The following SCNN1A variants were observed in gnomAD, a reference collection of about 807,000 sequenced individuals.
SCNN1A encodes the protein sodium channel epithelial 1 subunit alpha.
Under a neutral mutation model 68.6 loss-of-function variants are expected in SCNN1A, and 65 were observed. The observed-to-expected ratio is 0.95, with a 90% confidence interval of 0.78 to 1.16. The LOEUF (loss-of-function observed/expected upper bound fraction) is 1.16, where lower values mean the gene tolerates loss of function less well. SCNN1A is among the 50% of genes most tolerant of loss of function. The probability of loss-of-function intolerance (pLI) is 0.00; values close to 1 mark genes in which losing one functional copy is unlikely to be tolerated. For missense variants in SCNN1A, 880 were observed against 865.9 expected, an observed-to-expected ratio of 1.02 and a Z score of -0.20; for synonymous variants, 357 against 353.3, an observed-to-expected ratio of 1.01 and a Z score of -0.12.
chr12:6,361,315 G>A (rs1948576115), intron 4 of SCNN1A, among the ~76,000 whole-genome samples: 1 of 152,176 alleles, frequency 6.6e-6, no homozygotes, highest in African/African-American at 2.4e-5. Context: ...GGGAACTTAG[G>A]TTTAGTCCCT....
chr12:6,355,450 A>T lies in SCNN1A; in HGVS notation c.980-15T>A, dbSNP rs1592067685. On this transcript the variant is annotated splice_polypyrimidine_tract_variant and intron_variant, in intron 5 of 12. Transcript: ENST00000228916. ...CAGGGACAGACCTAGGGGTGCAGAG[A>T]GAGCAGAGTTGGCAGAGGCGGGAAT... 3.1e-6 allele frequency: 5 copies of T among 1,613,558 alleles called. No individual in the cohort carries two copies. Among genetic ancestry groups the T allele is most frequent in the Non-Finnish European group, 4.2e-6 (5 of 1,179,850 alleles).
Position 6,351,761 on chromosome 12 carries a change from T to G in SCNN1A, c.1361-2356A>C, listed in dbSNP as rs1381590568. Among the ~76,000 whole-genome samples, 1 of 140,964 alleles carries G rather than the reference T, an allele frequency of 7.1e-6. No individual in the cohort carries two copies. The highest frequency in any genetic ancestry group is 6.7e-5 in the Admixed American group (1 of 15,024). 92.5% of individuals were successfully genotyped at this position (140,964 alleles called of 152,430 possible). A position where few individuals can be genotyped will look rare whatever the true frequency, so the allele number is the denominator to read the frequency against. On this transcript the variant is annotated intron_variant, in intron 8 of 12. Coordinates refer to ENST00000228916, the MANE Select transcript of SCNN1A (RefSeq NM_001038.6). The surrounding 1 kb of genome is among the most constrained non-coding windows in gnomAD (Gnocchi z 4.2). ...GGGACTTGCTAATGAGTACAAGGTT[T>G]ATTTATTTATTTATCTGAGACAGGG...
In SCNN1A at chr12:6,374,229, A is replaced by T; in HGVS notation, c.416+139T>A. On this transcript the variant is annotated intron_variant, in intron 2 of 12. Coordinates refer to ENST00000228916, the MANE Select transcript of SCNN1A (RefSeq NM_001038.6). The surrounding 1 kb of genome is among the most constrained non-coding windows in gnomAD (Gnocchi z 6.2). ...TAAGCTGGAGGCTCCTCATTTTGCC[A>T]GCAGTGAGCTCTACCTGGGACAGGG... 2.1e-6 allele frequency: 2 copies of T among 944,680 alleles called. No homozygotes were observed. Among genetic ancestry groups the T allele is most frequent in the Non-Finnish European group, 3.2e-6 (2 of 632,646 alleles). 58.5% of individuals were successfully genotyped at this position (944,680 alleles called of 1,614,324 possible). A position where few individuals can be genotyped will look rare whatever the true frequency, so the allele number is the denominator to read the frequency against.
chr12:6,374,394 C>T lies in SCNN1A; in HGVS notation c.390G>A (p.Val130=). ...TGTAGGGATTGAGGGTGCAGATGGT[C>T]ACTGCGGGGAAGACGAGCTTGTCCG... ...LNSDKLVFPA[V]TICTLNPYRY... Residue 130 remains valine (V), a synonymous_variant, in exon 2 of 13, where the codon GTG becomes GTA. Coordinates refer to ENST00000228916, the MANE Select transcript of SCNN1A (RefSeq NM_001038.6). This position sits in a 1 kb window ranked among gnomAD's most constrained non-coding sequence, Gnocchi z 6.2. 1 of 1,614,194 alleles carries T rather than the reference C, an allele frequency of 6.2e-7. No homozygotes were observed. The highest frequency in any genetic ancestry group is 8.5e-7 in the Non-Finnish European group (1 of 1,180,032).
rs1229867459 is a variant in SCNN1A, at chr12:6,375,559, G to A, written c.-109C>T. 6 of 1,533,864 alleles carry A rather than the reference G, an allele frequency of 3.9e-6. No homozygotes were observed. The highest frequency in any genetic ancestry group is 2.0e-5 in the Admixed American group (1 of 50,924). ...CCCGCCCGCTGGCCGGCCAGGGATGGAAGCGACAGGAATCTCATTAGCATC... is the reference window on the plus strand; with the variant it reads ...CCCGCCCGCTGGCCGGCCAGGGATGAAAGCGACAGGAATCTCATTAGCATC... On this transcript the variant is annotated 5_prime_UTR_variant, in exon 1 of 13. Transcript: ENST00000228916.
intron 6 of SCNN1A, 33 bp downstream of exon 6, chr12:6,355,239 G>C: frequency 6.2e-7 from 1 of 1,603,028 alleles, no homozygotes; most frequent in Non-Finnish European, 8.5e-7. Flanking sequence ...AATCTGAGGC[G>C]CTCCTTCCAG....
chr12:6,367,481 A>G (rs562634542), intron 2 of SCNN1A, among the ~76,000 whole-genome samples: 1 of 152,364 alleles, frequency 6.6e-6, no homozygotes, highest in South Asian at 2.1e-4. Flanking sequence ...AAACACAGGG[A>G]AGAATTCCAG....
chr12:6,374,287 G>C lies in SCNN1A; in HGVS notation c.416+81C>G. On this transcript the variant is annotated intron_variant, in intron 2 of 12. Transcript: ENST00000228916. This position sits in a 1 kb window ranked among gnomAD's most constrained non-coding sequence, Gnocchi z 6.2. The stretch of plus-strand genomic sequence containing the variant: ...TTCCCACCCTCAGGTCTGAGGCTCT[G>C]CCTGCCCAGTGAGCACCTCAGCACC... 1 of 1,460,586 alleles carries C rather than the reference G, an allele frequency of 6.8e-7. No homozygotes were observed. The highest frequency in any genetic ancestry group is 9.4e-7 in the Non-Finnish European group (1 of 1,064,378). 90.5% of individuals were successfully genotyped at this position (1,460,586 alleles called of 1,614,324 possible).
intron 8 of SCNN1A, among the ~76,000 whole-genome samples, 179 bp from the exon 9 acceptor site, chr12:6,349,584 C>CAGTG (rs1948336464): frequency 6.6e-6 from 1 of 152,042 alleles, no homozygotes; most frequent in Non-Finnish European, 1.5e-5. Flanking sequence ...AAGCCAGGGA[C>CAGTG]AGTGGCTCAG....
In SCNN1A at chr12:6,363,513, C is replaced by G. The variant is rs147866964; in HGVS notation, c.614G>C (p.Ser205Thr). The change falls in exon 3 of 13, where the codon AGC becomes ACC. Residue 205 changes from serine (S) to threonine (T), a missense_variant. Physicochemically the swap from Ser to Thr is moderately conservative, Grantham distance 58 (BLOSUM62 1). Transcript: ENST00000228916. ...GTTGTCCCGCAAGCTGGAGGCCACG[C>G]TACGGGCTCGACGGGCCCCGTGAGG... ...PPPHGARRAR[S>T]VASSLRDNNP... The G allele has an allele frequency of 1.9e-6, 3 of 1,609,048 alleles. No homozygotes were observed. Among genetic ancestry groups the G allele is most frequent in the African/African-American group, 2.7e-5 (2 of 74,638 alleles).
intron 2 of SCNN1A, among the ~76,000 whole-genome samples, chr12:6,367,602 G>A (rs1473905412): frequency 6.6e-6 from 1 of 152,164 alleles, no homozygotes; most frequent in African/African-American, 2.4e-5. Flanking sequence ...ATAGCATTCA[G>A]AAAATGACAG....
At chr12:6,365,986 C>G (rs1328089084) in intron 2 of SCNN1A, among the ~76,000 whole-genome samples, 1 of 143,762 alleles carries the variant, frequency 7.0e-6, no homozygotes, top group African/African-American at 2.4e-5. Flanking sequence ...TCCCTAGTAG[C>G]TGGGACTACA....
Position 6,347,904 on chromosome 12 carries a change from C to T in SCNN1A, c.1979G>A (p.Ser660Asn), listed in dbSNP as rs1257362571. 11 of 1,597,950 alleles carry T rather than the reference C, an allele frequency of 6.9e-6. No homozygotes were observed. Among genetic ancestry groups the T allele is most frequent in the Non-Finnish European group, 9.4e-6 (11 of 1,172,288 alleles). Residue 660 changes from serine (S) to asparagine (N), a missense_variant, in exon 13 of 13, where the codon AGT becomes AAT. Physicochemically the swap from Ser to Asn is conservative, Grantham distance 46 (BLOSUM62 1). Coordinates refer to ENST00000228916, the MANE Select transcript of SCNN1A (RefSeq NM_001038.6). ...RPSPGGSAGA[S>N]SSTCPLGGP ...CCCCCCCAGAGGACAGGTGGAGGAA[C>T]TGGCCCCTGCAGAGCCCCCTGGAGA...
intron 5 of SCNN1A, 22 bp from the exon 6 acceptor site, chr12:6,355,457 A>C: frequency 6.2e-7 from 1 of 1,613,208 alleles, no homozygotes; most frequent in East Asian, 2.2e-5. Context: ...GAGAGAGCAG[A>C]GTTGGCAGAG....
chr12:6,368,212 C>T (rs10774427), intron 2 of SCNN1A, among the ~76,000 whole-genome samples: 59,240 of 152,068 alleles, frequency 0.39, 11,853 homozygotes, highest in Admixed American at 0.5. Context: ...GAGTGCCCCC[C>T]GCCCCCAACC....
chr12:6,375,833 G>A (rs1948897320), upstream of SCNN1A: 1 of 1,347,944 alleles, frequency 7.4e-7, no homozygotes, highest in Non-Finnish European at 9.5e-7. Context: ...CAAGGAGAAG[G>A]GGCCAGCCAG....
chr12:6,375,580 G>A, upstream of SCNN1A: 1 of 1,522,352 alleles, frequency 6.6e-7, no homozygotes, highest in Non-Finnish European at 8.8e-7. Flanking sequence ...AATCTCATTA[G>A]CATCTCAATT....
At position 6,371,117 on chromosome 12, in the gene SCNN1A, C is replaced by T. The variant is rs76026410; in HGVS notation, c.416+3251G>A. ...GAAAGCAGCACAGAGTCCTGCATGTCCACTTTCCTCCTCTCCCTCTGCTGG... is the reference window on the plus strand; with the variant it reads ...GAAAGCAGCACAGAGTCCTGCATGTTCACTTTCCTCCTCTCCCTCTGCTGG... On this transcript the variant is annotated intron_variant, in intron 2 of 12. Transcript: ENST00000228916. Among the ~76,000 whole-genome samples, 1,487 of 152,272 alleles carry T rather than the reference C, an allele frequency of 9.8e-3. 15 individuals carry two copies. Among genetic ancestry groups the T allele is most frequent in the Non-Finnish European group, 0.017 (1,165 of 68,028 alleles).
At chr12:6,375,795 T>G, upstream of SCNN1A, 2 of 1,369,234 alleles carry the variant, frequency 1.5e-6, no homozygotes, top group Non-Finnish European at 1.9e-6. Context: ...AGTAGAAGGA[T>G]CCTGAGCCCA....
Sources: allele counts gnomAD v4.1 joint callset (sites outside exome capture counted in the v4.1 genomes callset), GRCh38; gene constraint gnomAD v4.1.1; non-coding constraint Gnocchi (gnomAD v3.1); transcripts MANE v1.5; gene names NCBI Gene and HGNC (gene_info 2026-07-23, HGNC 2026-07-21).